ANO3: variants seen among roughly 807,000 people sequenced by gnomAD.
ANO3 encodes anoctamin 3.
Under a neutral mutation model 144.8 loss-of-function variants are expected in ANO3, and 99 were observed. That is an observed-to-expected ratio of 0.68 (90% CI 0.58 to 0.81). The LOEUF (loss-of-function observed/expected upper bound fraction) is 0.81. ANO3 is among the 30% of genes least tolerant of loss of function. ANO3 has a pLI of 0.00. For missense variants in ANO3, 905 were observed against 1,202.2 expected, an observed-to-expected ratio of 0.75 and a Z score of 3.66; for synonymous variants, 414 against 392.6, an observed-to-expected ratio of 1.05 and a Z score of -0.64.
intron 1 of ANO3, among the ~76,000 whole-genome samples, chr11:26,436,824 C>T (rs1858312616): frequency 6.6e-6 from 1 of 151,762 alleles, no homozygotes; most frequent in Non-Finnish European, 1.5e-5. Flanking sequence ...AGCTTTGGAA[C>T]AGTTGCTGAC....
chr11:26,205,021 C>T (rs761485652), intron 1 of ANO3, among the ~76,000 whole-genome samples: 9 of 152,090 alleles, frequency 5.9e-5, no homozygotes, highest in Admixed American at 1.3e-4. Context: ...AGGAACCAAA[C>T]GAGTCCTTCC....
upstream of ANO3, among the ~76,000 whole-genome samples, chr11:26,307,979 C>G (rs577981652): frequency 9.2e-5 from 14 of 152,094 alleles, no homozygotes; most frequent in East Asian, 2.1e-3. Flanking sequence ...CTGAAGTTAC[C>G]TTGTAATTTC....
intron 5 of ANO3, among the ~76,000 whole-genome samples, chr11:26,509,427 C>G (rs1175440262): frequency 6.6e-6 from 1 of 152,024 alleles, no homozygotes; most frequent in Non-Finnish European, 1.5e-5. Flanking sequence ...GCAATTCTGC[C>G]TCAGCCTCCC....
intron 1 of ANO3, among the ~76,000 whole-genome samples, chr11:26,263,263 C>T (rs1853234730): frequency 6.6e-6 from 1 of 152,202 alleles, no homozygotes; most frequent in Non-Finnish European, 1.5e-5. Context: ...ATTAACCAGT[C>T]TTTCTTGCCT....
intron 5 of ANO3, among the ~76,000 whole-genome samples, chr11:26,515,993 A>G (rs1247995094): frequency 2.0e-5 from 3 of 151,950 alleles, no homozygotes; most frequent in Non-Finnish European, 4.4e-5. Flanking sequence ...TGAGTGATGT[A>G]TGATGCCTAG....
At chr11:26,623,716 T>A (rs2133007018) in intron 17 of ANO3, among the ~76,000 whole-genome samples, 1 of 152,192 alleles carries the variant, frequency 6.6e-6, no homozygotes, top group South Asian at 2.1e-4. Context: ...AATTCAAACT[T>A]TCACTTTGCC....
chr11:26,312,627 G>A (rs1321472415), intron 1 of ANO3, among the ~76,000 whole-genome samples: 1 of 152,180 alleles, frequency 6.6e-6, no homozygotes, highest in East Asian at 1.9e-4. Flanking sequence ...GTGTCTGTTG[G>A]CTGCATAAAT....
intron 1 of ANO3, among the ~76,000 whole-genome samples, chr11:26,234,258 T>C (rs12280209): frequency 0.01 from 1,580 of 152,350 alleles, 27 homozygotes; most frequent in African/African-American, 0.036. Context: ...ATGGTTATTA[T>C]TGCATGTTTG....
intron 1 of ANO3, among the ~76,000 whole-genome samples, chr11:26,291,307 C>A (rs1481700501): frequency 6.6e-6 from 1 of 152,134 alleles, no homozygotes; most frequent in Non-Finnish European, 1.5e-5. Context: ...TGTGTCTCTG[C>A]ACATGAGATG....
intron 1 of ANO3, among the ~76,000 whole-genome samples, chr11:26,275,470 A>AAT (rs1201185150): frequency 2.0e-5 from 3 of 152,118 alleles, no homozygotes; most frequent in Non-Finnish European, 4.4e-5. Flanking sequence ...TCTTTTGACT[A>AAT]AATGCTGAAG....
chr11:26,642,533 G>A (rs1379038909), intron 22 of ANO3, among the ~76,000 whole-genome samples: 2 of 149,520 alleles, frequency 1.3e-5, no homozygotes, highest in East Asian at 4.0e-4. Context: ...GCATTTTTTA[G>A]TAGAGATGGA....
intron 4 of ANO3, among the ~76,000 whole-genome samples, chr11:26,506,590 G>A (rs1590431962): frequency 6.6e-6 from 1 of 152,156 alleles, no homozygotes; most frequent in Admixed American, 6.5e-5. Context: ...TGTGAAATCT[G>A]CCAGAATTCC....
chr11:26,375,675 G>T (rs138737624), intron 1 of ANO3, among the ~76,000 whole-genome samples: 95 of 152,276 alleles, frequency 6.2e-4, no homozygotes, highest in Admixed American at 1.3e-3. Context: ...GTAGTTTACA[G>T]CTTAGCTTTT....
intron 4 of ANO3, among the ~76,000 whole-genome samples, chr11:26,483,938 A>G (rs116613910): frequency 0.01 from 1,563 of 152,294 alleles, 36 homozygotes; most frequent in African/African-American, 0.036. Flanking sequence ...GAAATGAGGA[A>G]CTTATTGGGA....
chr11:26,456,301 G>C (rs1301096300), intron 3 of ANO3, among the ~76,000 whole-genome samples: 1 of 152,042 alleles, frequency 6.6e-6, no homozygotes, highest in Non-Finnish European at 1.5e-5. Flanking sequence ...TACAAAATGG[G>C]ACAAAATTTT....
intron 1 of ANO3, among the ~76,000 whole-genome samples, chr11:26,198,123 T>G (rs1040159866): frequency 2.0e-5 from 3 of 152,066 alleles, no homozygotes; most frequent in Non-Finnish European, 4.4e-5. Context: ...AAGAGGCACA[T>G]GTTAGGGAGG....
At chr11:26,208,512 C>CAAAAAAA (rs67196052) in intron 1 of ANO3, among the ~76,000 whole-genome samples, 21 of 121,670 alleles carry the variant, frequency 1.7e-4, no homozygotes, top group African/African-American at 6.2e-4. Flanking sequence ...GACTCCGTCT[C>CAAAAAAA]AAAAAAAAAA....
chr11:26,598,575 A>G, intron 15 of ANO3, 128 bp downstream of exon 15: 1 of 663,106 alleles, frequency 1.5e-6, no homozygotes, highest in Non-Finnish European at 2.5e-6. Context: ...TTCCTACTAA[A>G]AAGATTTATT....
chr11:26,621,885 G>T (rs1159182776), intron 17 of ANO3, among the ~76,000 whole-genome samples: 1 of 152,010 alleles, frequency 6.6e-6, no homozygotes. Flanking sequence ...GTAGGGCCCG[G>T]AATAGTTATC....
Sources: gnomAD v4.1 joint callset for allele counts (sites outside exome capture counted in the v4.1 genomes callset) on GRCh38, gnomAD v4.1.1 for gene constraint, MANE v1.5 for transcripts, NCBI Gene and HGNC (gene_info 2026-07-23, HGNC 2026-07-21) for gene names.